Variants in EPB41 observed in about 807,000 individuals in gnomAD.
EPB41 encodes protein 4.1.
Under a neutral mutation model 108.0 loss-of-function variants are expected in EPB41, and 65 were observed. The ratio of observed to expected loss-of-function variants is 0.60; its 90% CI spans 0.49 to 0.74. The LOEUF is 0.74. Among genes scored for constraint, EPB41 ranks in the 30% least tolerant of loss-of-function variants. EPB41 has a pLI of 0.00. For synonymous variants in EPB41, 336 were observed against 358.9 expected, an observed-to-expected ratio of 0.94 and a Z score of 0.72; for missense variants, 875 against 1,037.0, an observed-to-expected ratio of 0.84 and a Z score of 2.15.
chr1:29,048,060 G>A (rs970137713), intron 11 of EPB41, among the ~76,000 whole-genome samples: 3 of 151,432 alleles, frequency 2.0e-5, no homozygotes, highest in Non-Finnish European at 2.9e-5. Flanking sequence ...CTGGGATTAC[G>A]GGCGTGAGTG....
chr1:28,935,822 G>A (rs937954580), intron 1 of EPB41, among the ~76,000 whole-genome samples: 1 of 151,934 alleles, frequency 6.6e-6, no homozygotes, highest in Non-Finnish European at 1.5e-5. Context: ...GGGAGGCTGA[G>A]GCAGGAGAAT....
chr1:28,915,847 T>C (rs749040193), intron 1 of EPB41, among the ~76,000 whole-genome samples: 1 of 151,582 alleles, frequency 6.6e-6, no homozygotes, highest in Non-Finnish European at 1.5e-5. Context: ...GATATTATTA[T>C]AGTGGATTTA....
At chr1:29,057,612 C>T (rs1573296507) in intron 12 of EPB41, among the ~76,000 whole-genome samples, 3 of 152,036 alleles carry the variant, frequency 2.0e-5, no homozygotes, top group South Asian at 4.1e-4. Flanking sequence ...TGATGAGGTT[C>T]TGTAAAGAAC....
At chr1:29,047,129 G>T (rs1643459866) in intron 11 of EPB41, among the ~76,000 whole-genome samples, 1 of 152,036 alleles carries the variant, frequency 6.6e-6, no homozygotes, top group Non-Finnish European at 1.5e-5. Flanking sequence ...TGGTCCTAGA[G>T]ATCTCACTGT....
intron 14 of EPB41, among the ~76,000 whole-genome samples, chr1:29,059,414 A>G (rs1242238138): frequency 6.6e-6 from 1 of 152,156 alleles, no homozygotes; most frequent in African/African-American, 2.4e-5. Context: ...AATTTATAAG[A>G]ACTATTTCAC....
intron 4 of EPB41, among the ~76,000 whole-genome samples, chr1:29,004,026 T>A (rs1255666293): frequency 6.6e-6 from 1 of 152,242 alleles, no homozygotes; most frequent in Non-Finnish European, 1.5e-5. Context: ...CCTCGCAAAG[T>A]GCTGGAATTA....
Position 29,115,540 on chromosome 1 carries a change from G to A in EPB41, c.2497-159G>A, listed in dbSNP as rs141735449. Among the ~76,000 whole-genome samples, 343 of 152,328 alleles carry A rather than the reference G, an allele frequency of 2.3e-3. 2 individuals carry two copies. Among genetic ancestry groups the A allele is most frequent in the African/African-American group, 7.6e-3 (316 of 41,572 alleles). On this transcript the variant is annotated intron_variant, in intron 19 of 20. Transcript: ENST00000343067. This position sits in a 1 kb window ranked among gnomAD's most constrained non-coding sequence, Gnocchi z 4.4. The stretch of plus-strand genomic sequence containing the variant: ...CAGAAGCCTCCCTATGCAGGATAGG[G>A]TGGGTAAGGTAATTATCAGCTTGGC...
intron 1 of EPB41, among the ~76,000 whole-genome samples, chr1:28,941,111 C>CTTA (rs1444403059): frequency 6.6e-6 from 1 of 151,942 alleles, no homozygotes; most frequent in African/African-American, 2.4e-5. Flanking sequence ...GGCTCAGTGG[C>CTTA]TTATGCCTGT....
chr1:29,078,856 A>G (rs1180574426), intron 16 of EPB41, among the ~76,000 whole-genome samples: 1 of 152,188 alleles, frequency 6.6e-6, no homozygotes, highest in Non-Finnish European at 1.5e-5. Context: ...TGATGATCCT[A>G]GATATCCCCT....
At chr1:28,971,739 T>C (rs57051210) in intron 1 of EPB41, among the ~76,000 whole-genome samples, 18,713 of 152,152 alleles carry the variant, frequency 0.12, 1,589 homozygotes, top group African/African-American at 0.25. Flanking sequence ...TAGACTTCAG[T>C]AGCCTATGAG....
At chr1:28,999,670 AG>A (rs1286482606) in intron 4 of EPB41, among the ~76,000 whole-genome samples, 1 of 152,192 alleles carries the variant, frequency 6.6e-6, no homozygotes, top group African/African-American at 2.4e-5. Context: ...TTCTGCTTAC[AG>A]TTGAGCTTCT....
At chr1:29,069,311 C>A in intron 16 of EPB41, 1 of 1,231,494 alleles carries the variant, frequency 8.1e-7, no homozygotes, top group Non-Finnish European at 1.0e-6. Flanking sequence ...TCTGTCTTGA[C>A]TATGGATAGC....
intron 1 of EPB41, among the ~76,000 whole-genome samples, chr1:28,956,262 T>C (rs1247793848): frequency 1.3e-5 from 2 of 152,216 alleles, no homozygotes. Context: ...GAAAAGTATA[T>C]ATCTCTGTTG....
At chr1:29,000,247 C>T (rs1232703636) in intron 4 of EPB41, among the ~76,000 whole-genome samples, 2 of 152,122 alleles carry the variant, frequency 1.3e-5, no homozygotes, top group African/African-American at 2.4e-5. Context: ...TACAGGCATG[C>T]ATCACCATGC....
chr1:28,929,420 C>T (rs544776848), intron 1 of EPB41, among the ~76,000 whole-genome samples: 68 of 151,450 alleles, frequency 4.5e-4, no homozygotes, highest in Non-Finnish European at 4.7e-4. Context: ...TTAGTAGAGA[C>T]GGGGTTTCAC....
chr1:29,009,139 CCTT>C (rs1411955771), intron 4 of EPB41, among the ~76,000 whole-genome samples: 1 of 146,740 alleles, frequency 6.8e-6, no homozygotes, highest in Non-Finnish European at 1.5e-5. Flanking sequence ...AGTTTTTAAT[CCTT>C]CTTTTTTTTT....
intron 1 of EPB41, among the ~76,000 whole-genome samples, chr1:28,892,540 G>A (rs935616214): frequency 4.6e-5 from 7 of 151,918 alleles, no homozygotes; most frequent in Admixed American, 1.3e-4. Context: ...TGACTAATAC[G>A]ATGAAACCCC....
chr1:29,002,804 G>T (rs1415935185), intron 4 of EPB41, among the ~76,000 whole-genome samples: 1 of 152,196 alleles, frequency 6.6e-6, no homozygotes, highest in African/African-American at 2.4e-5. Context: ...TGGCAGAACA[G>T]TGGGTTTTGT....
chr1:28,991,337 C>G (rs1430046451), intron 2 of EPB41, among the ~76,000 whole-genome samples: 1 of 151,792 alleles, frequency 6.6e-6, no homozygotes, highest in African/African-American at 2.4e-5. Flanking sequence ...TGAAAACCTA[C>G]CATGTGTGCC....
Sources: gnomAD v4.1 joint callset for allele counts (sites outside exome capture counted in the v4.1 genomes callset) on GRCh38, gnomAD v4.1.1 for gene constraint, Gnocchi (gnomAD v3.1) non-coding constraint, MANE v1.5 for transcripts, NCBI Gene and HGNC (gene_info 2026-07-23, HGNC 2026-07-21) for gene names.